Variants in SCHIP1 observed in about 807,000 individuals in gnomAD.
The protein encoded by SCHIP1 is schwannomin interacting protein 1, also known as schwannomin-interacting protein 1.
SCHIP1 carries 8 observed loss-of-function variants against 29.7 expected under a neutral mutation model. The observed-to-expected ratio is 0.27, with a 90% CI of 0.16 to 0.49. SCHIP1 has a LOEUF of 0.49. Among genes scored for constraint, SCHIP1 ranks in the 20% least tolerant of loss-of-function variants. SCHIP1 has a pLI of 0.99. For synonymous variants in SCHIP1, 76 were observed against 94.9 expected, an observed-to-expected ratio of 0.80 and a Z score of 1.16; for missense variants, 193 against 294.6, an observed-to-expected ratio of 0.66 and a Z score of 2.52.
chr3:159,679,747 G>A, the SCHIP1 span, among the ~76,000 whole-genome samples: 3 of 152,098 alleles, frequency 2.0e-5, no homozygotes, highest in East Asian at 3.9e-4. Flanking sequence ...CCCCGCTGGC[G>A]CACCTCCTGC....
At chr3:159,608,347 A>G in the SCHIP1 span, among the ~76,000 whole-genome samples, 4 of 152,310 alleles carry the variant, frequency 2.6e-5, no homozygotes, top group East Asian at 7.7e-4. Flanking sequence ...TAGTCTCAAA[A>G]TATATACATG....
At position 159,864,820 on chromosome 3, in the gene SCHIP1, G is replaced by A. The variant is rs142509371; in HGVS notation, c.31-1343G>A. Among the ~76,000 whole-genome samples the A allele has an allele frequency of 3.4e-3, 513 of 152,244 alleles. 4 individuals are homozygous for A. The highest frequency in any genetic ancestry group is 0.012 in the African/African-American group (500 of 41,544). ...CATGTATTTTATTCTGTGCTGTCTA[G>A]TACAGTATCCACTAGCCACCTGTGA... On this transcript the variant is annotated intron_variant, in intron 1 of 6. Coordinates refer to ENST00000445224, the Ensembl canonical transcript of SCHIP1.
the SCHIP1 span, among the ~76,000 whole-genome samples, chr3:159,397,692 C>G: frequency 1.3e-5 from 2 of 152,232 alleles, no homozygotes; most frequent in African/African-American, 2.4e-5. Flanking sequence ...AGATCTCCAG[C>G]TGCATGCTGG....
the SCHIP1 span, among the ~76,000 whole-genome samples, chr3:159,288,046 A>C: frequency 6.6e-6 from 1 of 152,216 alleles, no homozygotes; most frequent in Non-Finnish European, 1.5e-5. Context: ...GATGTGCTAG[A>C]GGTGGCATAT....
the SCHIP1 span, among the ~76,000 whole-genome samples, chr3:159,694,689 G>A: frequency 9.2e-5 from 14 of 152,234 alleles, no homozygotes; most frequent in Admixed American, 8.5e-4. Flanking sequence ...TTACAACTGA[G>A]CAACAACTCT....
At chr3:159,491,107 T>C in the SCHIP1 span, among the ~76,000 whole-genome samples, 1 of 152,160 alleles carries the variant, frequency 6.6e-6, no homozygotes, top group Non-Finnish European at 1.5e-5. Flanking sequence ...TGCCACACAT[T>C]CAAGACTGAG....
At chr3:159,832,982 A>G in the SCHIP1 span, among the ~76,000 whole-genome samples, 2 of 152,232 alleles carry the variant, frequency 1.3e-5, no homozygotes, top group African/African-American at 4.8e-5. Context: ...TAAGTTATAA[A>G]TTAAACTTTA....
chr3:159,635,670 ACT>A, the SCHIP1 span, among the ~76,000 whole-genome samples: 210 of 152,100 alleles, frequency 1.4e-3, 1 homozygote, highest in African/African-American at 4.8e-3. Flanking sequence ...TAGCTTCCTT[ACT>A]CTCATTTGAA....
chr3:159,871,848 C>T (rs1715327341), intron 2 of SCHIP1, among the ~76,000 whole-genome samples: 1 of 152,174 alleles, frequency 6.6e-6, no homozygotes. Context: ...CAATAAATTT[C>T]CTGATTCTGC....
the SCHIP1 span, among the ~76,000 whole-genome samples, chr3:159,366,249 C>T: frequency 1.3e-5 from 2 of 152,072 alleles, no homozygotes; most frequent in Admixed American, 1.3e-4. Flanking sequence ...AGAGCGAGAG[C>T]TCACTTACCA....
At chr3:159,537,694 TAA>T in the SCHIP1 span, among the ~76,000 whole-genome samples, 1 of 152,112 alleles carries the variant, frequency 6.6e-6, no homozygotes, top group Non-Finnish European at 1.5e-5. Flanking sequence ...CATAGAGCCA[TAA>T]ACATGGCTTC....
At chr3:159,486,312 C>G in the SCHIP1 span, among the ~76,000 whole-genome samples, 1 of 152,258 alleles carries the variant, frequency 6.6e-6, no homozygotes, top group East Asian at 1.9e-4. Context: ...CTACCCTCTT[C>G]CCCATGTCCC....
chr3:159,764,922 G>A, the SCHIP1 span: 606 of 1,516,984 alleles, frequency 4.0e-4, no homozygotes, highest in Middle Eastern at 4.7e-3. This position sits in a 1 kb window ranked among gnomAD's most constrained non-coding sequence, Gnocchi z 6.1. Context: ...CCCGCCGGGC[G>A]ATCCAAAAGC....
chr3:159,538,545 C>T, the SCHIP1 span, among the ~76,000 whole-genome samples: 1 of 152,124 alleles, frequency 6.6e-6, no homozygotes, highest in African/African-American at 2.4e-5. Context: ...GTGCATAATA[C>T]CTTGCATTAG....
At chr3:159,758,605 T>C in the SCHIP1 span, among the ~76,000 whole-genome samples, 1 of 152,260 alleles carries the variant, frequency 6.6e-6, no homozygotes, top group Non-Finnish European at 1.5e-5. Flanking sequence ...AACAGCAGGC[T>C]GCCTCTTCCA....
At chr3:159,420,758 T>C in the SCHIP1 span, among the ~76,000 whole-genome samples, 1 of 152,326 alleles carries the variant, frequency 6.6e-6, no homozygotes, top group East Asian at 1.9e-4. Context: ...ATTGGTTCAA[T>C]TTCATAACCC....
chr3:159,757,756 A>G, the SCHIP1 span, among the ~76,000 whole-genome samples: 1 of 152,222 alleles, frequency 6.6e-6, no homozygotes, highest in Non-Finnish European at 1.5e-5. Flanking sequence ...AGAGCTAGTC[A>G]GAGGCAGAGC....
At chr3:159,637,371 C>CACA in the SCHIP1 span, among the ~76,000 whole-genome samples, 2 of 134,576 alleles carry the variant, frequency 1.5e-5, no homozygotes, top group African/African-American at 5.4e-5. Flanking sequence ...CCGGCCCCAG[C>CACA]CACACACACA....
the SCHIP1 span, among the ~76,000 whole-genome samples, chr3:159,498,248 A>G: frequency 6.6e-6 from 1 of 152,338 alleles, no homozygotes; most frequent in South Asian, 2.1e-4. Context: ...TAATTACTTC[A>G]GAACCAAAGG....
Sources: gnomAD v4.1 joint callset for allele counts (sites outside exome capture counted in the v4.1 genomes callset) on GRCh38, gnomAD v4.1.1 for gene constraint, Gnocchi (gnomAD v3.1) non-coding constraint, MANE v1.5 for transcripts, NCBI Gene and HGNC (gene_info 2026-07-23, HGNC 2026-07-21) for gene names.